Variants in ARL8B observed in about 807,000 individuals in gnomAD.
ARL8B encodes the protein ARF like GTPase 8B, also known as ADP-ribosylation factor-like protein 8B.
A neutral mutation model predicts 30.6 loss-of-function variants in ARL8B; 9 were observed. The observed-to-expected ratio is 0.29, with a 90% CI of 0.18 to 0.51. The LOEUF (loss-of-function observed/expected upper bound fraction) is 0.51, where lower values mean the gene tolerates loss of function less well. Ranked by LOEUF, ARL8B falls within the 20% of genes least tolerant of loss-of-function variation. ARL8B has a pLI of 0.97. For missense variants in ARL8B, 130 were observed against 227.2 expected (o/e 0.57, Z 2.75); for synonymous variants, 74 against 76.0 (o/e 0.97, Z 0.14).
chr3:5,163,878 A>G (rs1318107049), intron 1 of ARL8B, among the ~76,000 whole-genome samples: 1 of 152,230 alleles, frequency 6.6e-6, no homozygotes, highest in Non-Finnish European at 1.5e-5. Context: ...CTTGGGAGAA[A>G]AAAAGAGAGA....
At chr3:5,176,286 A>G (rs986701368) in intron 6 of ARL8B, among the ~76,000 whole-genome samples, 1 of 152,030 alleles carries the variant, frequency 6.6e-6, no homozygotes, top group African/African-American at 2.4e-5. Flanking sequence ...GCTGGAGTGC[A>G]GTGGCAAGAT....
At chr3:5,168,057 G>A (rs1401297509) in intron 1 of ARL8B, among the ~76,000 whole-genome samples, 1 of 152,082 alleles carries the variant, frequency 6.6e-6, no homozygotes, top group Non-Finnish European at 1.5e-5. Flanking sequence ...CTCCTTCATG[G>A]CCTATGTTTT....
chr3:5,154,861 C>G (rs2106564065), intron 1 of ARL8B, among the ~76,000 whole-genome samples: 1 of 151,642 alleles, frequency 6.6e-6, no homozygotes, highest in South Asian at 2.1e-4. Context: ...CAGGGGCATG[C>G]CACCATGCCC....
intron 4 of ARL8B, among the ~76,000 whole-genome samples, chr3:5,173,532 C>G (rs998717132): frequency 1.3e-5 from 2 of 152,092 alleles, no homozygotes; most frequent in African/African-American, 2.4e-5. Flanking sequence ...GTCAGGAGAT[C>G]GAGACCATCC....
intron 1 of ARL8B, among the ~76,000 whole-genome samples, chr3:5,137,905 T>A (rs961926531): frequency 3.9e-5 from 6 of 152,178 alleles, no homozygotes; most frequent in African/African-American, 1.4e-4. Flanking sequence ...TGATTCTGAT[T>A]CTTCTTTTTA....
chr3:5,127,814 A>G (rs546141222), intron 1 of ARL8B, among the ~76,000 whole-genome samples: 4 of 135,908 alleles, frequency 2.9e-5, no homozygotes, highest in Admixed American at 8.2e-5. Flanking sequence ...CAGAGCTTGC[A>G]GTGAGCCAAG....
intron 1 of ARL8B, among the ~76,000 whole-genome samples, chr3:5,129,424 TTGA>T (rs1481256456): frequency 1.3e-5 from 2 of 152,190 alleles, no homozygotes; most frequent in African/African-American, 4.8e-5. Context: ...CATAGTTTTG[TTGA>T]TGAAGTAGAA....
At chr3:5,136,068 G>A (rs1031572631) in intron 1 of ARL8B, among the ~76,000 whole-genome samples, 2 of 151,672 alleles carry the variant, frequency 1.3e-5, no homozygotes, top group Admixed American at 6.6e-5. Context: ...GATTATAGGC[G>A]TGAGCCATCA....
At chr3:5,159,250 C>T (rs1368011586) in intron 1 of ARL8B, among the ~76,000 whole-genome samples, 1 of 135,292 alleles carries the variant, frequency 7.4e-6, no homozygotes. Context: ...CGGTGAGCCA[C>T]GATCGCATCA....
chr3:5,132,804 A>G (rs2054294314), intron 1 of ARL8B, among the ~76,000 whole-genome samples: 2 of 152,204 alleles, frequency 1.3e-5, no homozygotes, highest in Non-Finnish European at 2.9e-5. Flanking sequence ...AAGGTCATTT[A>G]TGGTCGGGTA....
intron 1 of ARL8B, among the ~76,000 whole-genome samples, chr3:5,123,577 G>T (rs933708354): frequency 3.9e-5 from 6 of 152,212 alleles, no homozygotes; most frequent in Non-Finnish European, 8.8e-5. Flanking sequence ...CACGCCAGGG[G>T]AGTTTTAGAA....
At chr3:5,174,902 A>C (rs1325560959) in intron 6 of ARL8B, among the ~76,000 whole-genome samples, 1 of 151,700 alleles carries the variant, frequency 6.6e-6, no homozygotes, top group Admixed American at 6.6e-5. Flanking sequence ...TCCTGGGTTA[A>C]AGCGATTCTT....
chr3:5,148,997 A>G (rs886770023), intron 1 of ARL8B, among the ~76,000 whole-genome samples: 1 of 152,130 alleles, frequency 6.6e-6, no homozygotes, highest in Non-Finnish European at 1.5e-5. Context: ...GACCCGCGCT[A>G]CTAGAGGTTT....
In ARL8B at chr3:5,147,301, C is replaced by T. The variant is rs185787118; in HGVS notation, c.124-23202C>T. 3.5e-4 allele frequency among the ~76,000 whole-genome samples: 54 copies of T among 152,232 alleles called. 1 individual carries two copies. In the Middle Eastern group the frequency reaches 0.01, roughly 29 times the overall value. The stretch of plus-strand genomic sequence containing the variant: ...TTTCTGTCCTTGGCGATAGTTTGCT[C>T]AGAATGATGGTTTCCAGCTTCATCC... On this transcript the variant is annotated intron_variant, in intron 1 of 6. Coordinates refer to ENST00000256496, the MANE Select transcript of ARL8B (RefSeq NM_018184.3).
intron 1 of ARL8B, among the ~76,000 whole-genome samples, chr3:5,162,971 C>T (rs2054594708): frequency 6.8e-6 from 1 of 148,102 alleles, no homozygotes; most frequent in African/African-American, 2.5e-5. Flanking sequence ...TGTGTGTACT[C>T]AGTGTTTAGC....
At chr3:5,175,651 T>A (rs1010378204) in intron 6 of ARL8B, among the ~76,000 whole-genome samples, 3 of 152,216 alleles carry the variant, frequency 2.0e-5, no homozygotes, top group Non-Finnish European at 4.4e-5. Context: ...CATTCAAAAT[T>A]CTAGAGGCTG....
At chr3:5,141,767 C>T (rs1446011036) in intron 1 of ARL8B, among the ~76,000 whole-genome samples, 4 of 152,120 alleles carry the variant, frequency 2.6e-5, no homozygotes, top group Admixed American at 6.6e-5. Context: ...TCTGGTATTA[C>T]GTCTAGTGCA....
chr3:5,144,638 GGCCTTAATACT>G (rs1158155569), intron 1 of ARL8B, among the ~76,000 whole-genome samples: 1 of 152,072 alleles, frequency 6.6e-6, no homozygotes, highest in Non-Finnish European at 1.5e-5. Flanking sequence ...GGTAAACTGG[GGCCTTAATACT>G]ACCTTAGGGA....
In ARL8B at chr3:5,170,673, T is replaced by A; in HGVS notation, c.204+90T>A. On this transcript the variant is annotated intron_variant, in intron 2 of 6. Transcript: ENST00000256496. Reference sequence around the variant, plus strand: ...AAATTTCTGTGTTTTTACTGAAAATTTGCAGTTTTTCAGTAATGAATGTGC... The same window carrying A: ...AAATTTCTGTGTTTTTACTGAAAATATGCAGTTTTTCAGTAATGAATGTGC... 3.0e-6 allele frequency: 3 copies of A among 1,008,760 alleles called. No homozygotes were observed. In the South Asian group the frequency reaches 4.8e-5, roughly 16 times the overall value. 62.5% of individuals were successfully genotyped at this position (1,008,760 alleles called of 1,614,324 possible).
Sources: allele counts gnomAD v4.1 joint callset (sites outside exome capture counted in the v4.1 genomes callset), GRCh38; gene constraint gnomAD v4.1.1; transcripts MANE v1.5; gene names NCBI Gene and HGNC (gene_info 2026-07-23, HGNC 2026-07-21).